CSMD1: variants seen among roughly 807,000 people sequenced by gnomAD.
CSMD1 encodes the protein CUB and Sushi multiple domains 1.
CSMD1 carries 213 observed loss-of-function variants against 417.5 expected under a neutral mutation model. The ratio of observed to expected loss-of-function variants is 0.51; its 90% confidence interval spans 0.46 to 0.57. The LOEUF (loss-of-function observed/expected upper bound fraction) is 0.57. CSMD1 is among the 20% of genes least tolerant of loss of function. The probability of loss-of-function intolerance (pLI) is 0.00; values close to 1 mark genes in which losing one functional copy is unlikely to be tolerated. For synonymous variants in CSMD1, 2,862 were observed against 1,736.8 expected, an observed-to-expected ratio of 1.65 and a Z score of -16.11; for missense variants, 6,923 against 4,529.7, an observed-to-expected ratio of 1.53 and a Z score of -15.17.
Position 4,669,613 on chromosome 8 carries a change from C to A in CSMD1, c.86-32055G>T, listed in dbSNP as rs182356827. On this transcript the variant is annotated intron_variant, in intron 1 of 69. Transcript: ENST00000635120. ...GCATTAGGGTAGCTACTAAGTATTTCTGTTTAGAAACTTTTTTTAACCTTC... is the reference window on the plus strand; with the variant it reads ...GCATTAGGGTAGCTACTAAGTATTTATGTTTAGAAACTTTTTTTAACCTTC... Among the ~76,000 whole-genome samples the A allele has an allele frequency of 1.8e-3, 273 of 152,246 alleles. 1 individual carries two copies. Among genetic ancestry groups the A allele is most frequent in the Non-Finnish European group, 1.7e-3 (116 of 68,000 alleles).
At chr8:4,543,987 A>G (rs61291918) in intron 2 of CSMD1, among the ~76,000 whole-genome samples, 41,410 of 151,962 alleles carry the variant, frequency 0.27, 6,149 homozygotes, top group East Asian at 0.39. Flanking sequence ...ATTGTTTTCT[A>G]TTGAGTTTTA....
At chr8:3,940,467 G>C (rs895511551) in intron 5 of CSMD1, among the ~76,000 whole-genome samples, 2 of 151,130 alleles carry the variant, frequency 1.3e-5, no homozygotes, top group Admixed American at 1.3e-4. Context: ...AAATAATTCA[G>C]TATATTCAGT....
intron 7 of CSMD1, among the ~76,000 whole-genome samples, chr8:3,690,162 C>A (rs531446861): frequency 2.0e-5 from 3 of 152,132 alleles, no homozygotes; most frequent in African/African-American, 7.2e-5. Context: ...AGTTTGAGAC[C>A]AGCCTGGGCA....
intron 3 of CSMD1, among the ~76,000 whole-genome samples, chr8:4,310,396 C>T (rs1798495304): frequency 6.6e-6 from 1 of 152,236 alleles, no homozygotes; most frequent in East Asian, 1.9e-4. Flanking sequence ...CTACATGATG[C>T]CCAGTCATTT....
chr8:3,579,282 T>G (rs1800283087), intron 9 of CSMD1, among the ~76,000 whole-genome samples: 1 of 152,228 alleles, frequency 6.6e-6, no homozygotes, highest in Non-Finnish European at 1.5e-5. Flanking sequence ...ATCCACTTAA[T>G]CAATGAATAT....
At chr8:4,179,934 G>T (rs1798261570) in intron 3 of CSMD1, among the ~76,000 whole-genome samples, 1 of 152,132 alleles carries the variant, frequency 6.6e-6, no homozygotes, top group African/African-American at 2.4e-5. Context: ...AACAAAAGGT[G>T]CTGGAGAGGA....
intron 5 of CSMD1, among the ~76,000 whole-genome samples, chr8:3,953,910 C>A (rs1193143891): frequency 6.6e-6 from 1 of 152,208 alleles, no homozygotes; most frequent in South Asian, 2.1e-4. Flanking sequence ...CTCTGGGCCA[C>A]TGTCTGGAAC....
intron 1 of CSMD1, among the ~76,000 whole-genome samples, chr8:4,850,914 A>G (rs12541042): frequency 1.5e-5 from 2 of 132,510 alleles, no homozygotes; most frequent in African/African-American, 3.1e-5. Flanking sequence ...TTGCCCCCCC[A>G]CTTTTTGTGG....
At chr8:4,451,102 G>T (rs565156715) in intron 2 of CSMD1, among the ~76,000 whole-genome samples, 1 of 152,242 alleles carries the variant, frequency 6.6e-6, no homozygotes, top group East Asian at 1.9e-4. Flanking sequence ...AAGGCAGGAG[G>T]ATTACTCCTG....
chr8:4,100,910 T>C (rs949601285), intron 3 of CSMD1, among the ~76,000 whole-genome samples: 4 of 152,022 alleles, frequency 2.6e-5, no homozygotes, highest in African/African-American at 9.7e-5. Context: ...GAACAGAAAG[T>C]GGTGTATATG....
At chr8:4,110,157 T>G (rs1302436687) in intron 3 of CSMD1, among the ~76,000 whole-genome samples, 2 of 152,082 alleles carry the variant, frequency 1.3e-5, no homozygotes, top group Non-Finnish European at 2.9e-5. Flanking sequence ...AATATGCAAA[T>G]CTGCCATTTC....
At chr8:2,960,894 TTC>T (rs1803397266) in intron 62 of CSMD1, among the ~76,000 whole-genome samples, 1 of 146,372 alleles carries the variant, frequency 6.8e-6, no homozygotes, top group Non-Finnish European at 1.5e-5. Flanking sequence ...CTATGTTAAT[TTC>T]TATATGAAAT....
chr8:3,299,883 A>G (rs1406407037), intron 25 of CSMD1, among the ~76,000 whole-genome samples: 1 of 152,234 alleles, frequency 6.6e-6, no homozygotes, highest in African/African-American at 2.4e-5. Flanking sequence ...CCCAATTTCT[A>G]TGTACTGCTG....
chr8:3,628,734 T>C (rs1336676735), intron 7 of CSMD1, among the ~76,000 whole-genome samples: 2 of 151,986 alleles, frequency 1.3e-5, no homozygotes, highest in East Asian at 3.9e-4. Context: ...TCACAGCTCA[T>C]GAGAGCCATA....
intron 11 of CSMD1, among the ~76,000 whole-genome samples, chr8:3,471,740 C>A (rs1817118182): frequency 6.9e-6 from 1 of 145,118 alleles, no homozygotes; most frequent in South Asian, 2.3e-4. Flanking sequence ...TGTTATCATT[C>A]CCTAAGATAA....
chr8:2,983,835 A>C (rs535282998), intron 54 of CSMD1, among the ~76,000 whole-genome samples: 1 of 152,302 alleles, frequency 6.6e-6, no homozygotes, highest in Admixed American at 6.5e-5. Flanking sequence ...CCATGGAAAT[A>C]AAGCTTAGTT....
intron 50 of CSMD1, among the ~76,000 whole-genome samples, chr8:3,048,301 A>G (rs1009177994): frequency 2.0e-5 from 3 of 152,176 alleles, no homozygotes; most frequent in Admixed American, 6.5e-5. Flanking sequence ...ATACATTTTG[A>G]AAAAAAGTGT....
chr8:4,138,833 T>C (rs1048229153), intron 3 of CSMD1, among the ~76,000 whole-genome samples: 1 of 152,208 alleles, frequency 6.6e-6, no homozygotes, highest in Non-Finnish European at 1.5e-5. Context: ...AGGCAAATTC[T>C]ATAGAGAATA....
intron 1 of CSMD1, among the ~76,000 whole-genome samples, chr8:4,758,587 G>C (rs553302445): frequency 1.2e-4 from 18 of 152,080 alleles, no homozygotes; most frequent in Non-Finnish European, 2.5e-4. Flanking sequence ...ACCAAGACTT[G>C]GCAATTTATA....
Sources: allele counts gnomAD v4.1 joint callset (sites outside exome capture counted in the v4.1 genomes callset), GRCh38; gene constraint gnomAD v4.1.1; transcripts MANE v1.5; gene names NCBI Gene and HGNC (gene_info 2026-07-23, HGNC 2026-07-21).